Variants in SVOPL observed in about 807,000 individuals in gnomAD.
The protein encoded by SVOPL is SVOP like, also known as putative transporter SVOPL.
A neutral mutation model predicts 61.0 loss-of-function variants in SVOPL; 60 were observed. That is an observed-to-expected ratio of 0.98 (90% CI 0.80 to 1.22). SVOPL has a LOEUF of 1.22. SVOPL is among the 50% of genes most tolerant of loss of function. SVOPL has a pLI of 0.00. For missense variants in SVOPL, 662 were observed against 643.9 expected (o/e 1.03, Z -0.30); for synonymous variants, 279 against 250.0 (o/e 1.12, Z -1.09).
chr7:138,689,492 C>G, intron 1 of SVOPL: 1 of 752,362 alleles, frequency 1.3e-6, no homozygotes, highest in Admixed American at 2.1e-5. Context: ...AAAAGATATC[C>G]CAGAAGAAAC....
chr7:138,670,366 C>T (rs1411918026), intron 4 of SVOPL, among the ~76,000 whole-genome samples: 2 of 152,202 alleles, frequency 1.3e-5, no homozygotes, highest in African/African-American at 2.4e-5. Context: ...GTAGGTCACA[C>T]GATTTGCGAC....
intron 1 of SVOPL, chr7:138,689,267 A>T: frequency 6.3e-7 from 1 of 1,578,930 alleles, no homozygotes; most frequent in Non-Finnish European, 8.6e-7. Context: ...ACATGGTTAA[A>T]AATGCAGAGA....
chr7:138,662,437 C>G, intron 5 of SVOPL: 1 of 985,390 alleles, frequency 1.0e-6, no homozygotes, highest in Non-Finnish European at 1.2e-6. Flanking sequence ...TACTTGGGTG[C>G]TCTGGGGGGT....
At chr7:138,685,543 T>C (rs1284857624) in intron 1 of SVOPL, among the ~76,000 whole-genome samples, 1 of 152,134 alleles carries the variant, frequency 6.6e-6, no homozygotes, top group Non-Finnish European at 1.5e-5. Flanking sequence ...TAGTTAACAA[T>C]ATGGTATCAT....
chr7:138,678,894 C>T lies in SVOPL; in HGVS notation c.82+70G>A. 2.1e-6 allele frequency: 3 copies of T among 1,461,280 alleles called. No homozygotes were observed. In the South Asian group the frequency reaches 3.8e-5, roughly 18 times the overall value. 90.5% of individuals were successfully genotyped at this position (1,461,280 alleles called of 1,614,324 possible). A position where few individuals can be genotyped will look rare whatever the true frequency, so the allele number is the denominator to read the frequency against. On this transcript the variant is annotated intron_variant, in intron 2 of 15. Transcript: ENST00000674285. The stretch of plus-strand genomic sequence containing the variant: ...TGCTTCTTTTGACCTCACCTTTTTG[C>T]ATTTAACCTTAAAAAGGATTCTTAA...
rs1319226994 is a variant in SVOPL at position 138,620,462 on chromosome 7, A to G, written c.1353+584T>C. On this transcript the variant is annotated intron_variant, in intron 14 of 15. Transcript: ENST00000674285. ...TTGCAGCCAAAAAAAAAAAAAAAAA[A>G]AGACTGACAAGTGCAAAGCAGCAAG... 1.6e-3 allele frequency among the ~76,000 whole-genome samples: 237 copies of G among 150,806 alleles called. 1 individual carries two copies. The highest frequency in any genetic ancestry group is 5.4e-3 in the African/African-American group (223 of 41,120).
intron 14 of SVOPL, among the ~76,000 whole-genome samples, chr7:138,597,772 C>T (rs896968119): frequency 1.3e-5 from 2 of 151,982 alleles, no homozygotes; most frequent in Non-Finnish European, 2.9e-5. Context: ...AGGCATGTGT[C>T]TAGATTCTGT....
At chr7:138,661,128 T>C in intron 5 of SVOPL, 10 of 985,450 alleles carry the variant, frequency 1.0e-5, no homozygotes, top group Non-Finnish European at 1.2e-5. Flanking sequence ...CCAATTCTAC[T>C]AATGTTTTCC....
intron 3 of SVOPL, among the ~76,000 whole-genome samples, chr7:138,675,073 T>C (rs1227014192): frequency 6.6e-6 from 1 of 151,980 alleles, no homozygotes; most frequent in Non-Finnish European, 1.5e-5. Context: ...AAAATAGGAC[T>C]AGGATACATC....
At chr7:138,650,681 C>T (rs1801382210) in intron 7 of SVOPL, among the ~76,000 whole-genome samples, 1 of 135,652 alleles carries the variant, frequency 7.4e-6, no homozygotes, top group Admixed American at 8.0e-5. Context: ...GGCACCATGA[C>T]ATGCACCTGT....
chr7:138,689,789 G>T (rs1291490720), intron 1 of SVOPL, among the ~76,000 whole-genome samples: 1 of 150,364 alleles, frequency 6.7e-6, no homozygotes, highest in East Asian at 2.0e-4. Context: ...CCTGGGAGGT[G>T]GAGGTTGCAG....
chr7:138,641,098 G>C (rs1800758008), intron 9 of SVOPL, among the ~76,000 whole-genome samples: 1 of 151,956 alleles, frequency 6.6e-6, no homozygotes, highest in Non-Finnish European at 1.5e-5. Flanking sequence ...AGCTATTCTG[G>C]AGGCTGAGGT....
At chr7:138,664,359 T>A in intron 4 of SVOPL, 2 of 513,028 alleles carry the variant, frequency 3.9e-6, no homozygotes, top group Non-Finnish European at 5.0e-6. Flanking sequence ...GGCGTGCGCC[T>A]AACCCTCCAA....
At chr7:138,596,049 C>G (rs1471523259) in intron 15 of SVOPL, among the ~76,000 whole-genome samples, 2 of 151,744 alleles carry the variant, frequency 1.3e-5, no homozygotes, top group Non-Finnish European at 2.9e-5. Context: ...ATTAGCCAGG[C>G]ATGGTGGCAC....
At chr7:138,637,481 GATATAGATAGATATATAT>G (rs1563108857) in intron 9 of SVOPL, among the ~76,000 whole-genome samples, 8,036 of 41,264 alleles carry the variant, frequency 0.19, 613 homozygotes, top group East Asian at 0.49. Flanking sequence ...TATAGATATA[GATATAGATAGATATATAT>G]ATATATATAT....
At chr7:138,678,863 C>T (rs1212686502) in intron 2 of SVOPL, 101 bp downstream of exon 2, 6 of 1,225,060 alleles carry the variant, frequency 4.9e-6, no homozygotes, top group Non-Finnish European at 5.7e-6. Flanking sequence ...AGCCACCATG[C>T]CTGGCTGCTT....
At chr7:138,683,655 C>T (rs1342803167) in intron 1 of SVOPL, among the ~76,000 whole-genome samples, 2 of 152,118 alleles carry the variant, frequency 1.3e-5, no homozygotes, top group Admixed American at 1.3e-4. Context: ...AGGCATGAGC[C>T]ACTGTGCCTG....
chr7:138,684,495 C>A (rs1802762796), intron 1 of SVOPL, among the ~76,000 whole-genome samples: 1 of 152,148 alleles, frequency 6.6e-6, no homozygotes, highest in African/African-American at 2.4e-5. Flanking sequence ...GCAGCCAGTA[C>A]AAATGGCCAA....
intron 5 of SVOPL, chr7:138,662,477 A>C: frequency 1.0e-6 from 1 of 985,482 alleles, no homozygotes; most frequent in Non-Finnish European, 1.2e-6. Context: ...CACTCATGAC[A>C]CATAGTCCTG....
Sources: allele counts gnomAD v4.1 joint callset (sites outside exome capture counted in the v4.1 genomes callset), GRCh38; gene constraint gnomAD v4.1.1; transcripts MANE v1.5; gene names NCBI Gene and HGNC (gene_info 2026-07-23, HGNC 2026-07-21).